Variants in ZFPM2 observed in about 807,000 individuals in gnomAD.
ZFPM2 encodes the protein zinc finger protein, FOG family member 2.
ZFPM2 carries 20 observed loss-of-function variants against 98.6 expected under a neutral mutation model. The observed-to-expected ratio is 0.20, with a 90% CI of 0.14 to 0.29. The LOEUF (loss-of-function observed/expected upper bound fraction) is 0.29, where lower values mean the gene tolerates loss of function less well. Among genes scored for constraint, ZFPM2 ranks in the 10% least tolerant of loss-of-function variants. The pLI, the probability that ZFPM2 is intolerant of heterozygous loss-of-function variation, is 1.00. For missense variants in ZFPM2, 1,310 were observed against 1,388.6 expected, an observed-to-expected ratio of 0.94 and a Z score of 0.90; for synonymous variants, 518 against 502.7, an observed-to-expected ratio of 1.03 and a Z score of -0.41.
At chr8:105,573,101 G>A (rs1447886298) in intron 4 of ZFPM2, among the ~76,000 whole-genome samples, 1 of 152,134 alleles carries the variant, frequency 6.6e-6, no homozygotes, top group East Asian at 1.9e-4. Flanking sequence ...GCTAGTGGAG[G>A]ATCTGCTTAC....
chr8:105,374,628 C>T (rs1313806494), intron 1 of ZFPM2, among the ~76,000 whole-genome samples: 2 of 152,092 alleles, frequency 1.3e-5, no homozygotes, highest in Non-Finnish European at 1.5e-5. Context: ...TCAAGCAATC[C>T]TCTTGCCTCA....
At chr8:105,709,820 G>T (rs1164505468) in intron 5 of ZFPM2, among the ~76,000 whole-genome samples, 4 of 152,044 alleles carry the variant, frequency 2.6e-5, no homozygotes, top group African/African-American at 9.7e-5. Context: ...AGGGTGAAAT[G>T]TGAAACTCTC....
intron 4 of ZFPM2, among the ~76,000 whole-genome samples, chr8:105,619,149 A>G (rs1252005338): frequency 6.6e-6 from 1 of 152,120 alleles, no homozygotes; most frequent in Non-Finnish European, 1.5e-5. Context: ...AGTGTTATTA[A>G]CTATAAAATT....
intron 1 of ZFPM2, among the ~76,000 whole-genome samples, chr8:105,376,544 G>A (rs946059754): frequency 2.0e-5 from 3 of 152,062 alleles, no homozygotes; most frequent in Non-Finnish European, 4.4e-5. Flanking sequence ...AATTTAATGT[G>A]TCCCAAGAAC....
At chr8:105,467,482 G>A (rs887447199) in intron 3 of ZFPM2, among the ~76,000 whole-genome samples, 7 of 152,044 alleles carry the variant, frequency 4.6e-5, no homozygotes, top group African/African-American at 1.7e-4. Context: ...AGCCCAGCGA[G>A]TTAGGAATCT....
intron 5 of ZFPM2, among the ~76,000 whole-genome samples, chr8:105,762,523 G>T (rs1210807145): frequency 6.6e-6 from 1 of 151,948 alleles, no homozygotes; most frequent in Non-Finnish European, 1.5e-5. Flanking sequence ...CTCCTTGTGA[G>T]TGGGCACAAT....
intron 2 of ZFPM2, among the ~76,000 whole-genome samples, chr8:105,421,510 G>A (rs1282688692): frequency 6.6e-6 from 1 of 152,074 alleles, no homozygotes; most frequent in East Asian, 1.9e-4. Flanking sequence ...TGTGACCAGG[G>A]AATTCCCACT....
intron 6 of ZFPM2, chr8:105,795,838 TA>T (rs1263817533): frequency 2.1e-6 from 1 of 477,682 alleles, no homozygotes; most frequent in Admixed American, 2.2e-5. Context: ...TATCTAGCTC[TA>T]TGAAAACACA....
In ZFPM2 at chr8:105,621,687, G is replaced by T. The variant is rs938227878; in HGVS notation, c.421-12559G>T. 6.6e-5 allele frequency among the ~76,000 whole-genome samples: 10 copies of T among 152,162 alleles called. No individual in the cohort carries two copies. In the Middle Eastern group the frequency reaches 0.01, roughly 155 times the overall value. ...TGACAATCTATGTATATGCCATTTA[G>T]ATATTTTTATTATTAATATGTTGTG... On this transcript the variant is annotated intron_variant, in intron 4 of 7. Coordinates refer to ENST00000407775, the MANE Select transcript of ZFPM2 (RefSeq NM_012082.4).
chr8:105,409,724 AC>A (rs1367837888), intron 1 of ZFPM2, among the ~76,000 whole-genome samples: 2 of 151,928 alleles, frequency 1.3e-5, no homozygotes, highest in Non-Finnish European at 2.9e-5. Flanking sequence ...TTGTTCTCAA[AC>A]TTGAGCATAC....
chr8:105,368,808 G>A (rs1283832191), intron 1 of ZFPM2, among the ~76,000 whole-genome samples: 5 of 152,154 alleles, frequency 3.3e-5, no homozygotes, highest in Admixed American at 6.5e-5. Flanking sequence ...GCCCATCAGA[G>A]TGCCTGGTGC....
intron 5 of ZFPM2, among the ~76,000 whole-genome samples, chr8:105,647,640 T>A (rs1193669780): frequency 6.6e-6 from 1 of 152,064 alleles, no homozygotes; most frequent in East Asian, 1.9e-4. Flanking sequence ...CAGTTTTTTG[T>A]CTTTGCGATA....
chr8:105,393,106 C>T (rs1055806322), intron 1 of ZFPM2, among the ~76,000 whole-genome samples: 9 of 152,116 alleles, frequency 5.9e-5, no homozygotes, highest in Non-Finnish European at 1.5e-5. Flanking sequence ...TCTGTAACAT[C>T]TGTAATTTTT....
At chr8:105,700,764 T>A (rs528806856) in intron 5 of ZFPM2, among the ~76,000 whole-genome samples, 1 of 152,106 alleles carries the variant, frequency 6.6e-6, no homozygotes, top group East Asian at 1.9e-4. Flanking sequence ...CCTGGCTAAT[T>A]TTTGTATTTT....
intron 5 of ZFPM2, among the ~76,000 whole-genome samples, chr8:105,757,783 G>A (rs1259175322): frequency 7.9e-5 from 12 of 151,972 alleles, no homozygotes; most frequent in East Asian, 1.9e-4. Flanking sequence ...TCTCCTCCTC[G>A]TTCTGGGCTT....
At chr8:105,514,572 A>C (rs1406697980) in intron 3 of ZFPM2, among the ~76,000 whole-genome samples, 2 of 152,116 alleles carry the variant, frequency 1.3e-5, no homozygotes, top group Non-Finnish European at 2.9e-5. Context: ...AAGCCTCACT[A>C]TAAACAGCGC....
Position 105,360,712 on chromosome 8 carries a change from G to C in ZFPM2, c.40+41731G>C, listed in dbSNP as rs1364010508. Among the ~76,000 whole-genome samples the C allele has an allele frequency of 6.1e-5, 9 of 147,852 alleles. No homozygotes were observed. The East Asian group carries it at 1.6e-3, about 27-fold the overall frequency. On this transcript the variant is annotated intron_variant, in intron 1 of 7. Transcript: ENST00000407775. Reference sequence around the variant, plus strand: ...TTGTTCAATTCCCACCTATGAGTGAGAATATGCGGTGTTTGGTTTTTTGTT... The same window carrying C: ...TTGTTCAATTCCCACCTATGAGTGACAATATGCGGTGTTTGGTTTTTTGTT...
At chr8:105,699,623 GA>G (rs1271801767) in intron 5 of ZFPM2, among the ~76,000 whole-genome samples, 1 of 152,062 alleles carries the variant, frequency 6.6e-6, no homozygotes, top group African/African-American at 2.4e-5. Context: ...TCTCAAAAGT[GA>G]ATAATGGCAA....
chr8:105,378,624 A>C (rs1306627821), intron 1 of ZFPM2, among the ~76,000 whole-genome samples: 1 of 152,206 alleles, frequency 6.6e-6, no homozygotes, highest in East Asian at 1.9e-4. Context: ...AGGCTAGATT[A>C]TGTGAGTATA....
Sources: allele counts gnomAD v4.1 joint callset (sites outside exome capture counted in the v4.1 genomes callset), GRCh38; gene constraint gnomAD v4.1.1; transcripts MANE v1.5; gene names NCBI Gene and HGNC (gene_info 2026-07-23, HGNC 2026-07-21).